The following CDH18 variants were observed in gnomAD, a reference collection of about 807,000 sequenced individuals.
The protein encoded by CDH18 is cadherin-18.
Under a neutral mutation model 67.9 loss-of-function variants are expected in CDH18, and 31 were observed. The observed-to-expected ratio is 0.46, with a 90% CI of 0.34 to 0.62. The LOEUF is 0.62. CDH18 is among the 20% of genes least tolerant of loss of function. CDH18 has a pLI of 0.01. For missense variants in CDH18, 890 were observed against 975.5 expected (o/e 0.91, Z 1.17); for synonymous variants, 362 against 347.2 (o/e 1.04, Z -0.48).
At chr5:19,756,321 C>T (rs2149687448) in intron 3 of CDH18, among the ~76,000 whole-genome samples, 1 of 152,306 alleles carries the variant, frequency 6.6e-6, no homozygotes, top group Admixed American at 6.5e-5. Flanking sequence ...ATACTCATGA[C>T]AATTACAGTC....
intron 1 of CDH18, among the ~76,000 whole-genome samples, chr5:20,565,126 G>A (rs1435892399): frequency 1.4e-4 from 21 of 152,188 alleles, no homozygotes; most frequent in Admixed American, 8.5e-4. Flanking sequence ...ATGTATCCCC[G>A]ATGCAGAATA....
intron 1 of CDH18, among the ~76,000 whole-genome samples, chr5:20,530,873 A>G (rs1756359279): frequency 6.6e-6 from 1 of 152,002 alleles, no homozygotes; most frequent in Admixed American, 6.6e-5. Flanking sequence ...CAACAAGAGT[A>G]AAAATTGACC....
At position 19,885,060 on chromosome 5, in the gene CDH18, C is replaced by G. The variant is rs1579425204; in HGVS notation, c.-256-45818G>C. 2.0e-5 allele frequency among the ~76,000 whole-genome samples: 3 copies of G among 152,244 alleles called. No individual in the cohort carries two copies. In the East Asian group the frequency reaches 5.8e-4, roughly 29 times the overall value. On this transcript the variant is annotated intron_variant, in intron 2 of 12. Coordinates refer to ENST00000382275, the MANE Select transcript of CDH18 (RefSeq NM_004934.5). Reference sequence around the variant, plus strand: ...CACTAATCAACATACATTTATCCCACCTCCTGCTTCCTTTTTCCACTGCCT... The same window carrying G: ...CACTAATCAACATACATTTATCCCAGCTCCTGCTTCCTTTTTCCACTGCCT...
chr5:19,489,441 G>C (rs947403518), intron 11 of CDH18, among the ~76,000 whole-genome samples: 11 of 151,754 alleles, frequency 7.2e-5, no homozygotes, highest in Non-Finnish European at 1.3e-4. Flanking sequence ...TAGAGACAGG[G>C]TTTCACCATG....
intron 2 of CDH18, among the ~76,000 whole-genome samples, chr5:19,848,986 T>A (rs1158779520): frequency 6.6e-6 from 1 of 151,480 alleles, no homozygotes; most frequent in Non-Finnish European, 1.5e-5. Flanking sequence ...ATAGCCTATA[T>A]AAAAGCTAAG....
intron 2 of CDH18, among the ~76,000 whole-genome samples, chr5:20,194,805 C>A (rs1580450934): frequency 1.3e-5 from 2 of 151,980 alleles, no homozygotes; most frequent in East Asian, 1.9e-4. Flanking sequence ...CCCTCGTTAC[C>A]CTTACCTGTA....
intron 2 of CDH18, among the ~76,000 whole-genome samples, chr5:19,976,147 G>A (rs6883212): frequency 0.096 from 14,636 of 152,062 alleles, 1,981 homozygotes; most frequent in African/African-American, 0.3. Flanking sequence ...ACCTGAGTGA[G>A]TGTTAAATGG....
At chr5:19,632,516 T>A (rs906284790) in intron 5 of CDH18, among the ~76,000 whole-genome samples, 1 of 152,352 alleles carries the variant, frequency 6.6e-6, no homozygotes, top group African/African-American at 2.4e-5. Flanking sequence ...AGTTTTCATG[T>A]CATTGTTATT....
intron 2 of CDH18, among the ~76,000 whole-genome samples, chr5:19,917,074 T>C (rs1448555547): frequency 6.6e-6 from 1 of 152,230 alleles, no homozygotes; most frequent in East Asian, 1.9e-4. Context: ...ACATACATCT[T>C]GTCTAAATAT....
chr5:20,322,151 C>A (rs1231930030), intron 1 of CDH18, among the ~76,000 whole-genome samples: 1 of 151,974 alleles, frequency 6.6e-6, no homozygotes, highest in African/African-American at 2.4e-5. Context: ...TACTGTAAAC[C>A]TAAATATTCA....
At chr5:20,174,808 G>A (rs1737104956) in intron 2 of CDH18, among the ~76,000 whole-genome samples, 3 of 152,080 alleles carry the variant, frequency 2.0e-5, no homozygotes, top group Admixed American at 2.0e-4. Flanking sequence ...AATAGTATAT[G>A]ATAACGATCT....
At chr5:20,131,180 A>G (rs1749238579) in intron 2 of CDH18, among the ~76,000 whole-genome samples, 1 of 152,042 alleles carries the variant, frequency 6.6e-6, no homozygotes, top group Non-Finnish European at 1.5e-5. Flanking sequence ...TCTCTTGCTT[A>G]GTTTTGGGCT....
intron 9 of CDH18, among the ~76,000 whole-genome samples, chr5:19,529,832 T>C (rs1344812261): frequency 1.3e-5 from 2 of 152,128 alleles, no homozygotes; most frequent in Non-Finnish European, 2.9e-5. Flanking sequence ...TACTCATGGA[T>C]AAAATGCTCA....
At chr5:20,344,725 T>C (rs1351632373) in intron 1 of CDH18, among the ~76,000 whole-genome samples, 2 of 152,146 alleles carry the variant, frequency 1.3e-5, no homozygotes, top group Non-Finnish European at 2.9e-5. Flanking sequence ...CCCATGGCCT[T>C]ATTATGGGTG....
chr5:19,961,163 C>T lies in CDH18; in HGVS notation c.-257+19897G>A, dbSNP rs796819272. Among the ~76,000 whole-genome samples the T allele has an allele frequency of 1.1e-4, 16 of 144,368 alleles. 1 individual carries two copies. Among genetic ancestry groups the T allele is most frequent in the African/African-American group, 4.1e-4 (16 of 38,856 alleles). The allele number at this position is 144,368 out of a possible 152,430, so 94.7% of individuals were successfully genotyped here. On this transcript the variant is annotated intron_variant, in intron 2 of 12. Transcript: ENST00000382275. ...TGTCGCCCAGGCTGGAGTGCAGTGG[C>T]GCGATCTAGGCTCACTGCAACCTCC...
intron 2 of CDH18, among the ~76,000 whole-genome samples, chr5:20,024,529 C>T (rs970140728): frequency 9.9e-5 from 15 of 152,058 alleles, no homozygotes; most frequent in African/African-American, 1.7e-4. Flanking sequence ...CATGTAACCA[C>T]GGCAAAGAGA....
At chr5:20,370,817 T>A (rs992464215) in intron 1 of CDH18, among the ~76,000 whole-genome samples, 2 of 151,764 alleles carry the variant, frequency 1.3e-5, no homozygotes, top group South Asian at 4.2e-4. Flanking sequence ...GGCAGGAGGA[T>A]CATGAGGTCA....
chr5:19,905,150 G>A (rs6879201), intron 2 of CDH18, among the ~76,000 whole-genome samples: 77,152 of 151,896 alleles, frequency 0.51, 19,811 homozygotes, highest in African/African-American at 0.59. Flanking sequence ...CAAGCATTCC[G>A]ATTTCCAAGT....
intron 2 of CDH18, among the ~76,000 whole-genome samples, chr5:19,842,062 T>A (rs1330344378): frequency 6.6e-6 from 1 of 152,144 alleles, no homozygotes; most frequent in Non-Finnish European, 1.5e-5. Flanking sequence ...TTAGAAAAAA[T>A]TGAAATGCAA....
Sources: gnomAD v4.1 joint callset for allele counts (sites outside exome capture counted in the v4.1 genomes callset) on GRCh38, gnomAD v4.1.1 for gene constraint, MANE v1.5 for transcripts, NCBI Gene and HGNC (gene_info 2026-07-23, HGNC 2026-07-21) for gene names.